Variants in PHLPP2 observed in about 807,000 individuals in gnomAD.
The protein encoded by PHLPP2 is PH domain and leucine rich repeat protein phosphatase 2, also known as PH domain leucine-rich repeat-containing protein phosphatase 2.
A neutral mutation model predicts 124.9 loss-of-function variants in PHLPP2; 66 were observed. The ratio of observed to expected loss-of-function variants is 0.53; its 90% CI spans 0.43 to 0.65. The LOEUF (loss-of-function observed/expected upper bound fraction) is 0.65, where lower values mean the gene tolerates loss of function less well. PHLPP2 is among the 30% of genes least tolerant of loss of function. The probability of loss-of-function intolerance (pLI) is 0.00; values close to 1 mark genes in which losing one functional copy is unlikely to be tolerated. For synonymous variants in PHLPP2, 681 were observed against 624.7 expected (o/e 1.09, Z -1.34); for missense variants, 1,685 against 1,600.4 (o/e 1.05, Z -0.90).
chr16:71,724,200 A>G (rs1398481483), intron 1 of PHLPP2, 129 bp downstream of exon 1: 1 of 151,844 alleles, frequency 6.6e-6, no homozygotes, highest in East Asian at 1.9e-4. Flanking sequence ...CCTCTAAGAA[A>G]CCCGCGGGAG....
At chr16:71,719,964 ATTTTTTTTT>A (rs756642820) in intron 1 of PHLPP2, among the ~76,000 whole-genome samples, 12 of 53,246 alleles carry the variant, frequency 2.3e-4, no homozygotes, top group Non-Finnish European at 3.4e-4. Flanking sequence ...TGCCCAGCTA[ATTTTTTTTT>A]TTTTTTTTTT....
chr16:71,707,886 A>C (rs1050229373), intron 2 of PHLPP2, among the ~76,000 whole-genome samples: 1 of 152,162 alleles, frequency 6.6e-6, no homozygotes, highest in Non-Finnish European at 1.5e-5. Flanking sequence ...TTGCCCTTTA[A>C]CTTGTGAATT....
chr16:71,682,957 G>A (rs2045017094), intron 5 of PHLPP2, among the ~76,000 whole-genome samples: 1 of 152,156 alleles, frequency 6.6e-6, no homozygotes, highest in Non-Finnish European at 1.5e-5. Context: ...GATCACCTGA[G>A]GTCAGGAGTT....
intron 18 of PHLPP2, 49 bp downstream of exon 18, chr16:71,652,741 C>A (rs777691472): frequency 7.4e-7 from 1 of 1,347,500 alleles, no homozygotes; most frequent in Non-Finnish European, 1.1e-6. Context: ...CACAAAGCAG[C>A]CTCCACTGAT....
At chr16:71,697,217 A>AATAAG (rs1555547741) in intron 3 of PHLPP2, among the ~76,000 whole-genome samples, 14 of 150,746 alleles carry the variant, frequency 9.3e-5, no homozygotes, top group African/African-American at 3.4e-4. Flanking sequence ...TAAATAAATA[A>AATAAG]AAAGAAACTC....
At chr16:71,693,407 C>A (rs1357709739) in intron 3 of PHLPP2, among the ~76,000 whole-genome samples, 1 of 152,230 alleles carries the variant, frequency 6.6e-6, no homozygotes, top group African/African-American at 2.4e-5. Flanking sequence ...ACCTCAGAAG[C>A]AGCTTCAACT....
Position 71,667,175 on chromosome 16 carries a change from T to TA in PHLPP2, c.1784+2dup, listed in dbSNP as rs1388659816. On this transcript the variant is annotated splice_region_variant and intron_variant, in intron 12 of 18. Coordinates refer to ENST00000568954, the MANE Select transcript of PHLPP2 (RefSeq NM_015020.3). ...CTTCCGAAAAAAATCCTATGATACT[T>TA]ACTTTAAGGCCTTGGAGAAGAGGGT... 2 of 1,607,298 alleles carry TA rather than the reference T, an allele frequency of 1.2e-6. No individual in the cohort carries two copies. Among genetic ancestry groups the TA allele is most frequent in the Non-Finnish European group, 1.7e-6 (2 of 1,177,410 alleles).
chr16:71,681,845 C>T lies in PHLPP2; in HGVS notation c.796G>A (p.Glu266Lys), dbSNP rs1338757553. ...ATATCTTGACTATAGAAGAGATGCT[C>T]AGGAACCTCCTCGAGGCTGTAACAC... Reference protein sequence around the residue: ...LSCYSLEEVPEHLFYSQDITY... With the variant: ...LSCYSLEEVPKHLFYSQDITY... The change falls in exon 6 of 19, where the codon GAG becomes AAG. Residue 266 changes from glutamate (E) to lysine (K), a missense_variant. Transcript: ENST00000568954. The T allele has an allele frequency of 1.9e-6, 3 of 1,613,798 alleles. No homozygotes were observed. Among genetic ancestry groups the T allele is most frequent in the Non-Finnish European group, 2.5e-6 (3 of 1,179,822 alleles).
rs2145298338 is a variant in PHLPP2 at position 71,647,773 on chromosome 16, G to A, written c.*1117C>T. On this transcript the variant is annotated 3_prime_UTR_variant, in exon 19 of 19. Coordinates refer to ENST00000568954, the MANE Select transcript of PHLPP2 (RefSeq NM_015020.3). ...TCTGATCTAGGGAGAAGTAGTCTAG[G>A]TCCTCACGCCTTCCCCATTTTCATC... 6.6e-6 allele frequency: 1 copy of A among 152,252 alleles called. No individual in the cohort carries two copies. Among genetic ancestry groups the A allele is most frequent in the East Asian group, 1.9e-4 (1 of 5,174 alleles). The allele number at this position is 152,252 out of a possible 1,614,324, so 9.4% of individuals were successfully genotyped here.
intron 9 of PHLPP2, among the ~76,000 whole-genome samples, chr16:71,673,341 G>C (rs950131479): frequency 1.3e-5 from 2 of 152,164 alleles, no homozygotes; most frequent in Admixed American, 6.5e-5. Flanking sequence ...GGGATTTTTA[G>C]GCCTTTCCAT....
chr16:71,661,490 C>A (rs2044789556), intron 13 of PHLPP2, among the ~76,000 whole-genome samples: 1 of 152,156 alleles, frequency 6.6e-6, no homozygotes, highest in Non-Finnish European at 1.5e-5. Flanking sequence ...GGTTTTACAG[C>A]ATTATGCCTG....
In PHLPP2 at chr16:71,658,767, G is replaced by T. The variant is rs749860838; in HGVS notation, c.2034C>A (p.Asn678Lys). The change falls in exon 14 of 19, where the codon AAC becomes AAA. Residue 678 changes from asparagine to lysine, a missense_variant. Coordinates refer to ENST00000568954, the MANE Select transcript of PHLPP2 (RefSeq NM_015020.3). ...TGGTTGTGGGAATGGTTTTAAGCTTGTTGCCACTTAGGTTCAGTTCCTCCA... is the reference window on the plus strand; with the variant it reads ...TGGTTGTGGGAATGGTTTTAAGCTTTTTGCCACTTAGGTTCAGTTCCTCCA... The part of the protein sequence containing the change: ...EQLEELNLSG[N>K]KLKTIPTTIA... 6.2e-7 allele frequency: 1 copy of T among 1,614,114 alleles called. No homozygotes were observed. Among genetic ancestry groups the T allele is most frequent in the Non-Finnish European group, 8.5e-7 (1 of 1,179,998 alleles).
At position 71,656,687 on chromosome 16, in the gene PHLPP2, G is replaced by C. The variant is rs1159249058; in HGVS notation, c.2280-6C>G. On this transcript the variant is annotated splice_polypyrimidine_tract_variant and splice_region_variant and intron_variant, in intron 15 of 18. Coordinates refer to ENST00000568954, the MANE Select transcript of PHLPP2 (RefSeq NM_015020.3). ...TTTTCAGGGTTGTGATATGGCTGTG[G>C]GAGGTGAAGGAAGATTAAACCATAT... The C allele has an allele frequency of 6.7e-7, 1 of 1,493,634 alleles. No individual in the cohort carries two copies. Among genetic ancestry groups the C allele is most frequent in the Non-Finnish European group, 9.3e-7 (1 of 1,070,430 alleles). 92.5% of individuals were successfully genotyped at this position (1,493,634 alleles called of 1,614,324 possible). A position where few individuals can be genotyped will look rare whatever the true frequency, so the allele number is the denominator to read the frequency against.
At chr16:71,687,131 A>C (rs1296019470) in intron 4 of PHLPP2, among the ~76,000 whole-genome samples, 1 of 152,198 alleles carries the variant, frequency 6.6e-6, no homozygotes, top group East Asian at 1.9e-4. Flanking sequence ...GGTGTGCCGT[A>C]TCTCACTATT....
Position 71,652,828 on chromosome 16 carries a change from C to T in PHLPP2, c.2779G>A (p.Ala927Thr), listed in dbSNP as rs778065556. The T allele has an allele frequency of 1.2e-6, 2 of 1,614,088 alleles. No individual in the cohort carries two copies. Among genetic ancestry groups the T allele is most frequent in the South Asian group, 1.1e-5 (1 of 91,088 alleles). Reference protein sequence around the residue: ...VFSLEQDPEEAQRVKDQKAII... With the variant: ...VFSLEQDPEETQRVKDQKAII... ...GCTTTTTGGTCCTTCACCCTTTGAG[C>T]CTCCTCTGGGTCCTGCTCCAGGCTG... Residue 927 changes from alanine (A) to threonine (T), a missense_variant, in exon 18 of 19, where the codon GCT becomes ACT. By Grantham distance (58) the Ala-to-Thr change is moderately conservative (BLOSUM62 0). Coordinates refer to ENST00000568954, the MANE Select transcript of PHLPP2 (RefSeq NM_015020.3).
chr16:71,672,184 AC>A lies in PHLPP2; in HGVS notation c.1532+77del, dbSNP rs1293716181. 2.1e-5 allele frequency: 20 copies of A among 952,142 alleles called. No individual in the cohort carries two copies. The East Asian group carries it at 4.7e-4, about 22-fold the overall frequency. 59.0% of individuals were successfully genotyped at this position (952,142 alleles called of 1,614,324 possible). A position where few individuals can be genotyped will look rare whatever the true frequency, so the allele number is the denominator to read the frequency against. ...ATTTCAAAATACTTAGATTTCTTGT[AC>A]ATCAAAACTGCCAAAAAATCCACAT... On this transcript the variant is annotated intron_variant, in intron 10 of 18. Transcript: ENST00000568954.
At chr16:71,706,804 T>C (rs1367250592) in intron 2 of PHLPP2, among the ~76,000 whole-genome samples, 1 of 152,114 alleles carries the variant, frequency 6.6e-6, no homozygotes, top group Non-Finnish European at 1.5e-5. Context: ...TTATTTTATA[T>C]ATAGTTAAAA....
intron 9 of PHLPP2, among the ~76,000 whole-genome samples, chr16:71,675,549 G>A (rs946798782): frequency 1.2e-4 from 19 of 152,238 alleles, no homozygotes; most frequent in South Asian, 6.2e-4. Flanking sequence ...TAGGCTTTGC[G>A]GACCATATCA....
intron 1 of PHLPP2, chr16:71,723,723 G>A: frequency 2.1e-6 from 2 of 942,764 alleles, no homozygotes; most frequent in South Asian, 1.8e-5. Flanking sequence ...TAGTCCGCTT[G>A]CCCGCTCGCC....
Sources: gnomAD v4.1 joint callset for allele counts (sites outside exome capture counted in the v4.1 genomes callset) on GRCh38, gnomAD v4.1.1 for gene constraint, MANE v1.5 for transcripts, NCBI Gene and HGNC (gene_info 2026-07-23, HGNC 2026-07-21) for gene names.